TSPEAR: variants seen among roughly 807,000 people sequenced by gnomAD.
TSPEAR encodes thrombospondin type laminin G domain and EAR repeats.
In TSPEAR, 69 loss-of-function variants were observed where a neutral mutation model predicts 71.6. The ratio of observed to expected loss-of-function variants is 0.96; its 90% CI spans 0.79 to 1.18. The LOEUF (loss-of-function observed/expected upper bound fraction) is 1.18. Among genes scored for constraint, TSPEAR ranks in the 50% most tolerant of loss-of-function variants. The pLI is 0.00. For missense variants in TSPEAR, 971 were observed against 894.9 expected (o/e 1.09, Z -1.09); for synonymous variants, 402 against 387.2 (o/e 1.04, Z -0.45).
At chr21:44,540,037 G>T (rs1237551634) in intron 2 of TSPEAR, 2 of 1,611,266 alleles carry the variant, frequency 1.2e-6, no homozygotes, top group Non-Finnish European at 8.5e-7. Flanking sequence ...AGGGGGCCGG[G>T]GCGCAGCAGC....
chr21:44,703,493 T>G (rs1987757350), intron 1 of TSPEAR, among the ~76,000 whole-genome samples: 1 of 152,314 alleles, frequency 6.6e-6, no homozygotes, highest in South Asian at 2.1e-4. Context: ...TTGGCTTCTG[T>G]GCAGGGCCCT....
At position 44,504,528 on chromosome 21, in the gene TSPEAR, C is replaced by T. The variant is rs587672960; in HGVS notation, c.1856+252G>A. Among the ~76,000 whole-genome samples the T allele has an allele frequency of 2.1e-5, 3 of 145,512 alleles. No homozygotes were observed. The East Asian group carries it at 6.1e-4, about 30-fold the overall frequency. The stretch of plus-strand genomic sequence containing the variant: ...AAGCAAGGCTCTGGGAGGAGGCCGG[C>T]CTCGGTGAGCCCACAGTGGGGAAGC... On this transcript the variant is annotated intron_variant, in intron 11 of 11. Coordinates refer to ENST00000323084, the MANE Select transcript of TSPEAR (RefSeq NM_144991.3).
intron 9 of TSPEAR, chr21:44,517,611 C>T: frequency 2.7e-6 from 1 of 377,100 alleles, no homozygotes; most frequent in Non-Finnish European, 5.3e-6. Context: ...CTTCCTGCTG[C>T]TTCCCACCGT....
intron 1 of TSPEAR, chr21:44,666,579 G>A (rs782059284): frequency 2.5e-6 from 4 of 1,612,682 alleles, no homozygotes; most frequent in South Asian, 1.1e-5. Flanking sequence ...CACGCACAGG[G>A]AGGACTGGCA....
chr21:44,528,527 C>T lies in TSPEAR; in HGVS notation c.847G>A (p.Ala283Thr), dbSNP rs367641936. The change falls in exon 6 of 12, where the codon GCC becomes ACC. Residue 283 changes from alanine to threonine, a missense_variant. Coordinates refer to ENST00000323084, the MANE Select transcript of TSPEAR (RefSeq NM_144991.3). ...CGGCTGGCATCAAACCAGAACTGGG[C>T]GTCTTCCACCTCGGTACACGGTGGC... ...PQPPCTEVED[A>T]QFWFDASRKG... 9.3e-6 allele frequency: 15 copies of T among 1,614,032 alleles called. No individual in the cohort carries two copies. Among genetic ancestry groups the T allele is most frequent in the Admixed American group, 3.3e-5 (2 of 59,996 alleles).
At position 44,534,610 on chromosome 21, in the gene TSPEAR, A is replaced by T. The variant is rs367577504; in HGVS notation, c.304-687T>A. ...CCCAAAGGCACCCCCACACACTAGG[A>T]TGGCTAATGCCCAAAGAACAGAATG... On this transcript the variant is annotated intron_variant, in intron 2 of 11. Transcript: ENST00000323084. Among the ~76,000 whole-genome samples, 10 of 152,070 alleles carry T rather than the reference A, an allele frequency of 6.6e-5. No individual in the cohort carries two copies. The East Asian group carries it at 1.5e-3, about 23-fold the overall frequency.
chr21:44,615,188 G>A (rs886617081), intron 1 of TSPEAR, among the ~76,000 whole-genome samples: 3 of 152,254 alleles, frequency 2.0e-5, no homozygotes, highest in Non-Finnish European at 4.4e-5. Context: ...TTGTTACCAT[G>A]AAAAATTAGA....
At chr21:44,516,804 C>T (rs2052586690) in intron 9 of TSPEAR, among the ~76,000 whole-genome samples, 1 of 152,186 alleles carries the variant, frequency 6.6e-6, no homozygotes, top group Admixed American at 6.5e-5. Context: ...CGTCCTTGGA[C>T]CTGTGATCTA....
Position 44,509,351 on chromosome 21 carries a change from G to T in TSPEAR, c.1602C>A (p.Ile534=), listed in dbSNP as rs201961551. The change falls in exon 10 of 12, where the codon ATC becomes ATA. Residue 534 remains isoleucine (I), a synonymous_variant. Transcript: ENST00000323084. ...CCACAGCGAGGAAGATCCTCTCCCC[G>T]ATCTGGAAGACCTCCCAGTCTGCAG... The part of the protein sequence containing the change: ...FGAADWEVFQ[I]GERIFLAVAN... The T allele has an allele frequency of 1.2e-6, 2 of 1,613,768 alleles. No individual in the cohort carries two copies. The highest frequency in any genetic ancestry group is 1.6e-4 in the Middle Eastern group (1 of 6,062).
chr21:44,658,229 C>T, intron 1 of TSPEAR: 1 of 1,614,154 alleles, frequency 6.2e-7, no homozygotes, highest in Non-Finnish European at 8.5e-7. Context: ...CACCACTGCC[C>T]TCTGCAGACC....
chr21:44,556,865 A>G (rs1426974156), intron 2 of TSPEAR, among the ~76,000 whole-genome samples: 2 of 152,214 alleles, frequency 1.3e-5, no homozygotes, highest in Non-Finnish European at 2.9e-5. Context: ...AATCAAAGAC[A>G]GGGGTCTTTG....
intron 10 of TSPEAR, 107 bp downstream of exon 10, chr21:44,509,092 C>T: frequency 7.2e-7 from 1 of 1,392,860 alleles, no homozygotes; most frequent in Non-Finnish European, 9.8e-7. Context: ...GGTCCCCAGG[C>T]CAGTCTTTCC....
At chr21:44,684,947 C>T (rs1441421544) in intron 1 of TSPEAR, among the ~76,000 whole-genome samples, 2 of 152,212 alleles carry the variant, frequency 1.3e-5, no homozygotes, top group African/African-American at 4.8e-5. Context: ...TGAACTATAG[C>T]AGTGAAAGGA....
At chr21:44,673,041 G>A (rs190394001) in intron 1 of TSPEAR, among the ~76,000 whole-genome samples, 10 of 152,254 alleles carry the variant, frequency 6.6e-5, no homozygotes, top group African/African-American at 1.7e-4. Context: ...ATGCAAGAAC[G>A]TACTAATACA....
rs146322780 is a variant in TSPEAR at position 44,666,553 on chromosome 21, G to A, written c.82+44880C>T. Reference sequence around the variant, plus strand: ...CAGGACGGAGCCGCATACACGACAGGCCTGCAGCTCACAGGCACGCACAGG... The same window carrying A: ...CAGGACGGAGCCGCATACACGACAGACCTGCAGCTCACAGGCACGCACAGG... On this transcript the variant is annotated intron_variant, in intron 1 of 11. Transcript: ENST00000323084. The A allele has an allele frequency of 7.3e-3, 11,631 of 1,600,000 alleles. 62 individuals are homozygous for A. The highest frequency in any genetic ancestry group is 8.8e-3 in the Non-Finnish European group (10,339 of 1,169,184).
chr21:44,557,644 C>T (rs1486737821), intron 2 of TSPEAR: 16 of 231,890 alleles, frequency 6.9e-5, no homozygotes, highest in Admixed American at 3.6e-4. Context: ...CAGCAGACCC[C>T]GCACAGCGGG....
chr21:44,654,676 G>T, intron 1 of TSPEAR: 1 of 1,235,364 alleles, frequency 8.1e-7, no homozygotes, highest in Non-Finnish European at 1.1e-6. Flanking sequence ...TGCTTCCTTA[G>T]GTGGCCTTTA....
intron 1 of TSPEAR, among the ~76,000 whole-genome samples, chr21:44,672,924 T>A (rs1986131403): frequency 6.6e-6 from 1 of 152,200 alleles, no homozygotes; most frequent in Non-Finnish European, 1.5e-5. Flanking sequence ...AATTATAAGT[T>A]TCCTGAGGCT....
chr21:44,683,039 G>A (rs60368913), intron 1 of TSPEAR, among the ~76,000 whole-genome samples: 3,248 of 152,036 alleles, frequency 0.021, 118 homozygotes, highest in African/African-American at 0.074. Context: ...CAGTCCCCAC[G>A]TCGACATCCA....
Sources: allele counts gnomAD v4.1 joint callset (sites outside exome capture counted in the v4.1 genomes callset), GRCh38; gene constraint gnomAD v4.1.1; transcripts MANE v1.5; gene names NCBI Gene and HGNC (gene_info 2026-07-23, HGNC 2026-07-21).